Variants in RUNX3 observed in about 807,000 individuals in gnomAD.
The protein encoded by RUNX3 is RUNX family transcription factor 3, also known as runt-related transcription factor 3.
A neutral mutation model predicts 27.7 loss-of-function variants in RUNX3; 10 were observed. That is an observed-to-expected ratio of 0.36 (90% CI 0.22 to 0.61). The LOEUF (loss-of-function observed/expected upper bound fraction) is 0.61. Ranked by LOEUF, RUNX3 falls within the 20% of genes least tolerant of loss-of-function variation. RUNX3 has a pLI of 0.72. For synonymous variants in RUNX3, 270 were observed against 269.2 expected (o/e 1.00, Z -0.03); for missense variants, 469 against 629.5 (o/e 0.75, Z 2.73).
rs561539134 is a variant in RUNX3, at chr1:24,926,941, G to A, written c.439+633C>T. Among the ~76,000 whole-genome samples, 85 of 96,686 alleles carry A rather than the reference G, an allele frequency of 8.8e-4. No individual in the cohort carries two copies. In the Middle Eastern group the frequency reaches 0.016, roughly 18 times the overall value. 63.4% of individuals were successfully genotyped at this position (96,686 alleles called of 152,430 possible). On this transcript the variant is annotated intron_variant, in intron 2 of 4. Coordinates refer to ENST00000308873, the MANE Select transcript of RUNX3 (RefSeq NM_004350.3). ...TTCAACAGCCCCCCACCCCCGTCCCGCCTTCCTTCTGCTGCTCAAGGTCGG... is the reference window on the plus strand; with the variant it reads ...TTCAACAGCCCCCCACCCCCGTCCCACCTTCCTTCTGCTGCTCAAGGTCGG...
At chr1:24,931,647 A>G (rs1318063438), upstream of RUNX3, among the ~76,000 whole-genome samples, 1 of 152,122 alleles carries the variant, frequency 6.6e-6, no homozygotes, top group Non-Finnish European at 1.5e-5. Context: ...TTAGGATCCG[A>G]CGGTGGCCGC....
At chr1:24,921,043 G>T (rs964658648) in intron 2 of RUNX3, among the ~76,000 whole-genome samples, 1 of 152,178 alleles carries the variant, frequency 6.6e-6, no homozygotes, top group Non-Finnish European at 1.5e-5. Context: ...GTGGGTAGGG[G>T]CCAATGGTCT....
chr1:24,932,544 G>A (rs934445201), upstream of RUNX3, among the ~76,000 whole-genome samples: 21 of 152,290 alleles, frequency 1.4e-4, 1 homozygote, highest in African/African-American at 4.8e-4. Context: ...CCATCCATGC[G>A]GCCAGGTCTC....
intron 2 of RUNX3, among the ~76,000 whole-genome samples, chr1:24,920,007 T>C (rs1379063783): frequency 6.6e-6 from 1 of 152,190 alleles, no homozygotes; most frequent in East Asian, 1.9e-4. Context: ...TTTATTTATC[T>C]ACCTCCTTAC....
At chr1:24,959,082 G>T (rs1053110013) in intron 2 of RUNX3, among the ~76,000 whole-genome samples, 1 of 152,208 alleles carries the variant, frequency 6.6e-6, no homozygotes, top group Admixed American at 6.5e-5. Flanking sequence ...CTCACAGCCC[G>T]CTGGAAGGTC....
chr1:24,953,637 C>T (rs184142485), intron 2 of RUNX3, among the ~76,000 whole-genome samples: 7 of 152,244 alleles, frequency 4.6e-5, no homozygotes, highest in African/African-American at 9.6e-5. Context: ...TCCTACGGGA[C>T]GGTGCCGTTC....
chr1:24,955,512 T>C (rs569138076), intron 2 of RUNX3, among the ~76,000 whole-genome samples: 6 of 152,330 alleles, frequency 3.9e-5, no homozygotes, highest in African/African-American at 1.4e-4. Context: ...AGAGCATTTA[T>C]GGAAGTGCCA....
intron 2 of RUNX3, among the ~76,000 whole-genome samples, chr1:24,921,242 G>T (rs1346435686): frequency 1.3e-5 from 2 of 152,188 alleles, no homozygotes; most frequent in African/African-American, 4.8e-5. Flanking sequence ...TGCATGGCCG[G>T]GTACTTGTTA....
At chr1:24,908,518 T>C (rs1466509656) in intron 3 of RUNX3, among the ~76,000 whole-genome samples, 3 of 151,710 alleles carry the variant, frequency 2.0e-5, no homozygotes, top group Non-Finnish European at 4.4e-5. Context: ...AAGAAAAACT[T>C]AGCCAGGTGG....
In RUNX3 at chr1:24,904,093, C is replaced by T. The variant is rs545430075; in HGVS notation, c.704-1427G>A. 2.4e-4 allele frequency among the ~76,000 whole-genome samples: 36 copies of T among 152,192 alleles called. No individual in the cohort carries two copies. The highest frequency in any genetic ancestry group is 8.4e-4 in the African/African-American group (35 of 41,526). On this transcript the variant is annotated intron_variant, in intron 4 of 4. Coordinates refer to ENST00000308873, the MANE Select transcript of RUNX3 (RefSeq NM_004350.3). This position sits in a 1 kb window ranked among gnomAD's most constrained non-coding sequence, Gnocchi z 5.7. Reference sequence around the variant, plus strand: ...AGGGCCTCCCTTCTACTCTGGCAGCCGGGGGAGGTGGATGAGCCCCCAGCA... The same window carrying T: ...AGGGCCTCCCTTCTACTCTGGCAGCTGGGGGAGGTGGATGAGCCCCCAGCA...
At position 24,927,693 on chromosome 1, in the gene RUNX3, A is replaced by G; in HGVS notation, c.320T>C (p.Val107Ala). The G allele has an allele frequency of 1.9e-6, 3 of 1,613,860 alleles. No individual in the cohort carries two copies. The highest frequency in any genetic ancestry group is 2.5e-6 in the Non-Finnish European group (3 of 1,180,002). ...ALGDVPDGTV[V>A]TVMAGNDENY... The stretch of plus-strand genomic sequence containing the variant: ...CTCGTCATTGCCTGCCATCACAGTC[A>G]CCACCGTACCATCCGGCACGTCCCC... The change falls in exon 2 of 5, where the codon GTG (valine) becomes GCG (alanine). Residue 107 changes from valine to alanine, a missense_variant. Transcript: ENST00000308873. This position sits in a 1 kb window ranked among gnomAD's most constrained non-coding sequence, Gnocchi z 5.0.
At chr1:24,950,606 C>G (rs571424739) in intron 2 of RUNX3, among the ~76,000 whole-genome samples, 137 of 152,240 alleles carry the variant, frequency 9.0e-4, no homozygotes, top group African/African-American at 3.1e-3. Flanking sequence ...GGTGGCTGGG[C>G]GTGGGGTGGA....
Position 24,916,856 on chromosome 1 carries a change from C to T in RUNX3, c.544+2384G>A, listed in dbSNP as rs1409345380. On this transcript the variant is annotated intron_variant, in intron 3 of 4. Coordinates refer to ENST00000308873, the MANE Select transcript of RUNX3 (RefSeq NM_004350.3). This position sits in a 1 kb window ranked among gnomAD's most constrained non-coding sequence, Gnocchi z 4.8. ...GGTGCAGCAAGCCTGGCTTCTGACG[C>T]CGTGGGTCTCCAGGCCCAGCCTCTG... 6.6e-6 allele frequency among the ~76,000 whole-genome samples: 1 copy of T among 152,188 alleles called. No individual in the cohort carries two copies. The highest frequency in any genetic ancestry group is 1.5e-5 in the Non-Finnish European group (1 of 68,032).
chr1:24,930,628 G>C (rs1340725192), upstream of RUNX3, among the ~76,000 whole-genome samples: 1 of 151,574 alleles, frequency 6.6e-6, no homozygotes, highest in Non-Finnish European at 1.5e-5. The surrounding 1 kb of genome is among the most constrained non-coding windows in gnomAD (Gnocchi z 4.1). Context: ...CCTCCTCCCC[G>C]CTGGCCGCGG....
rs1405059056 is a variant in RUNX3 at position 24,930,106 on chromosome 1, G to C, written c.-238C>G. On this transcript the variant is annotated 5_prime_UTR_variant, in exon 1 of 5. Coordinates refer to ENST00000308873, the MANE Select transcript of RUNX3 (RefSeq NM_004350.3). This position sits in a 1 kb window ranked among gnomAD's most constrained non-coding sequence, Gnocchi z 4.1. ...CCTGCCCGGCTAGTCCCGCATCCTCGGCGCGCGGCCCCGCGTGCGGCCGCC... is the reference window on the plus strand; with the variant it reads ...CCTGCCCGGCTAGTCCCGCATCCTCCGCGCGCGGCCCCGCGTGCGGCCGCC... 10 of 979,484 alleles carry C rather than the reference G, an allele frequency of 1.0e-5. No individual in the cohort carries two copies. In the African/African-American group the frequency reaches 1.6e-4, roughly 16 times the overall value. 60.7% of individuals were successfully genotyped at this position (979,484 alleles called of 1,614,324 possible).
chr1:24,945,351 G>A (rs1279143884), intron 2 of RUNX3, among the ~76,000 whole-genome samples: 2 of 152,220 alleles, frequency 1.3e-5, no homozygotes, highest in Non-Finnish European at 1.5e-5. Flanking sequence ...TGTTGAATGA[G>A]TGAAATAGAT....
At position 24,927,638 on chromosome 1, in the gene RUNX3, C is replaced by G. The variant is rs140153168; in HGVS notation, c.375G>C (p.Ser125=). The change falls in exon 2 of 5, where the codon TCG becomes TCC. Residue 125 remains serine (S), a synonymous_variant. Coordinates refer to ENST00000308873, the MANE Select transcript of RUNX3 (RefSeq NM_004350.3). This position sits in a 1 kb window ranked among gnomAD's most constrained non-coding sequence, Gnocchi z 5.0. ...TGGCCACCTGGTTCTTCATGACGGC[C>G]GAGGCATTGCGCAGCTCAGCGGAGT... ...ENYSAELRNA[S]AVMKNQVARF... 20 of 1,614,026 alleles carry G rather than the reference C, an allele frequency of 1.2e-5. No homozygotes were observed. Among genetic ancestry groups the G allele is most frequent in the Middle Eastern group, 3.3e-4 (2 of 6,084 alleles).
At chr1:24,964,652 T>C in exon 2 of RUNX3, 3 of 1,542,080 alleles carry the variant, frequency 1.9e-6, no homozygotes, top group Non-Finnish European at 2.6e-6. Flanking sequence ...TTGTTTTATT[T>C]TTTTTTCCTC....
Position 24,919,361 on chromosome 1 carries a change from A to G in RUNX3, c.440-17T>C, listed in dbSNP as rs1426486664. 4.4e-6 allele frequency: 7 copies of G among 1,578,658 alleles called. No homozygotes were observed. Among genetic ancestry groups the G allele is most frequent in the South Asian group, 1.1e-5 (1 of 90,262 alleles). ...AACTCTTCCCTGGGGAGAGTGGGGA[A>G]TAGAGGCAGGTGGTTGGCACCTGGA... On this transcript the variant is annotated splice_polypyrimidine_tract_variant and intron_variant, in intron 2 of 4. Coordinates refer to ENST00000308873, the MANE Select transcript of RUNX3 (RefSeq NM_004350.3).
Sources: gnomAD v4.1 joint callset for allele counts (sites outside exome capture counted in the v4.1 genomes callset) on GRCh38, gnomAD v4.1.1 for gene constraint, Gnocchi (gnomAD v3.1) non-coding constraint, MANE v1.5 for transcripts, NCBI Gene and HGNC (gene_info 2026-07-23, HGNC 2026-07-21) for gene names.